LTBP1: variants seen among roughly 807,000 people sequenced by gnomAD.
LTBP1 encodes latent transforming growth factor beta binding protein 1.
LTBP1 carries 129 observed loss-of-function variants against 207.6 expected under a neutral mutation model. The ratio of observed to expected loss-of-function variants is 0.62; its 90% CI spans 0.54 to 0.72. LTBP1 has a LOEUF of 0.72. Ranked by LOEUF, LTBP1 falls within the 30% of genes least tolerant of loss-of-function variation. The pLI, the probability that LTBP1 is intolerant of heterozygous loss-of-function variation, is 0.00. For missense variants in LTBP1, 2,281 were observed against 2,217.2 expected, an observed-to-expected ratio of 1.03 and a Z score of -0.58; for synonymous variants, 963 against 833.7, an observed-to-expected ratio of 1.16 and a Z score of -2.67.
chr2:33,393,180 T>A (rs1008197687), intron 32 of LTBP1, among the ~76,000 whole-genome samples: 1 of 151,228 alleles, frequency 6.6e-6, no homozygotes, highest in Non-Finnish European at 1.5e-5. Context: ...AGTTATTACC[T>A]TTTCTGCTTC....
At chr2:33,219,478 T>C (rs960298969) in intron 8 of LTBP1, among the ~76,000 whole-genome samples, 1 of 152,256 alleles carries the variant, frequency 6.6e-6, no homozygotes, top group African/African-American at 2.4e-5. Flanking sequence ...TCATTTGCTA[T>C]TGAGTCTTAG....
intron 5 of LTBP1, among the ~76,000 whole-genome samples, chr2:33,137,155 A>G (rs144716163): frequency 2.4e-4 from 37 of 152,328 alleles, no homozygotes; most frequent in African/African-American, 7.9e-4. Context: ...GAAAAATTCA[A>G]AAACGTTTAT....
intron 26 of LTBP1, among the ~76,000 whole-genome samples, chr2:33,357,232 C>T (rs779865108): frequency 2.0e-5 from 3 of 152,140 alleles, no homozygotes; most frequent in Non-Finnish European, 4.4e-5. Context: ...GAAGGAGCTC[C>T]CAGACAGGGC....
intron 9 of LTBP1, among the ~76,000 whole-genome samples, chr2:33,242,069 G>T (rs2092345281): frequency 6.6e-6 from 1 of 152,146 alleles, no homozygotes. Flanking sequence ...GAATGTCACG[G>T]AAGGTATCAT....
At chr2:33,137,729 G>C (rs773477564) in intron 5 of LTBP1, among the ~76,000 whole-genome samples, 1 of 151,670 alleles carries the variant, frequency 6.6e-6, no homozygotes, top group African/African-American at 2.4e-5. Context: ...TTTGTTTGAG[G>C]ATGTGGAACA....
intron 5 of LTBP1, among the ~76,000 whole-genome samples, chr2:33,156,839 A>T (rs2084016696): frequency 6.6e-6 from 1 of 152,190 alleles, no homozygotes; most frequent in Non-Finnish European, 1.5e-5. Flanking sequence ...GTACTTCAAT[A>T]TTTTTATGTC....
chr2:33,159,099 G>A (rs2084244306), intron 5 of LTBP1, among the ~76,000 whole-genome samples: 1 of 152,226 alleles, frequency 6.6e-6, no homozygotes, highest in Admixed American at 6.5e-5. Context: ...AGCCCTGTAT[G>A]TGCTTCTGTG....
chr2:33,362,246 C>T (rs576088344), intron 28 of LTBP1, among the ~76,000 whole-genome samples: 1 of 152,194 alleles, frequency 6.6e-6, no homozygotes, highest in East Asian at 1.9e-4. Flanking sequence ...GGGAAACACA[C>T]TGTAAAATCA....
chr2:33,179,891 A>G (rs2086444739), intron 5 of LTBP1, among the ~76,000 whole-genome samples: 1 of 152,060 alleles, frequency 6.6e-6, no homozygotes, highest in Admixed American at 6.5e-5. Context: ...ACTGCCTTAT[A>G]TCCTTATGGA....
At chr2:33,388,800 C>G (rs1482600295) in intron 31 of LTBP1, among the ~76,000 whole-genome samples, 7 of 152,140 alleles carry the variant, frequency 4.6e-5, no homozygotes, top group Admixed American at 4.6e-4. Context: ...GTCAGAATGA[C>G]TACTTTCTAC....
At chr2:33,330,909 A>G (rs1415421485) in intron 24 of LTBP1, among the ~76,000 whole-genome samples, 6 of 151,394 alleles carry the variant, frequency 4.0e-5, no homozygotes, top group Non-Finnish European at 8.9e-5. Flanking sequence ...GTGCCTATGC[A>G]TTATAAACAT....
intron 2 of LTBP1, among the ~76,000 whole-genome samples, chr2:32,962,058 T>TG (rs1412040358): frequency 6.6e-6 from 1 of 152,110 alleles, no homozygotes; most frequent in African/African-American, 2.4e-5. Context: ...AATAATGTGT[T>TG]GGTGCATTTC....
Position 33,259,588 on chromosome 2 carries a change from T to G in LTBP1, c.2396T>G (p.Val799Gly), listed in dbSNP as rs150212582. The G allele has an allele frequency of 1.4e-5, 23 of 1,602,812 alleles. No homozygotes were observed. Among genetic ancestry groups the G allele is most frequent in the Non-Finnish European group, 6.8e-6 (8 of 1,175,156 alleles). Residue 799 changes from valine (V) to glycine (G), a missense_variant and splice_region_variant, in exon 13 of 34, where the codon GTG becomes GGG. Physicochemically the swap from Val to Gly is moderately radical, Grantham distance 109. Transcript: ENST00000404816. The part of the protein sequence containing the change: ...EHGPGVAEPE[V>G]ATAPPEKEIP... ...TACCCTTTTTCTTTTCTGGTTTTAG[T>G]GGCAACTGCACCCCCTGAAAAGGTA...
chr2:33,219,562 T>G (rs2090959171), intron 8 of LTBP1, among the ~76,000 whole-genome samples: 2 of 152,176 alleles, frequency 1.3e-5, no homozygotes, highest in Admixed American at 1.3e-4. Context: ...AACCTGCCTC[T>G]TTGTTTACCA....
intron 3 of LTBP1, among the ~76,000 whole-genome samples, chr2:33,106,683 ACGCATG>A (rs1165610764): frequency 6.6e-6 from 1 of 152,042 alleles, no homozygotes; most frequent in Non-Finnish European, 1.5e-5. Flanking sequence ...CATGCTGCAA[ACGCATG>A]TGCTGTCATC....
chr2:33,155,837 A>G (rs761776868), intron 5 of LTBP1, among the ~76,000 whole-genome samples: 11 of 152,204 alleles, frequency 7.2e-5, no homozygotes, highest in Non-Finnish European at 1.3e-4. Context: ...AGTTCATACA[A>G]TTGATAGAGA....
chr2:33,228,088 AGCCACCAC>A (rs1470381950), intron 9 of LTBP1, among the ~76,000 whole-genome samples: 1 of 152,050 alleles, frequency 6.6e-6, no homozygotes. Flanking sequence ...TACAGGCATG[AGCCACCAC>A]GCCCGGCCAA....
intron 7 of LTBP1, among the ~76,000 whole-genome samples, chr2:33,203,972 G>T (rs115414544): frequency 0.011 from 1,667 of 152,302 alleles, 12 homozygotes; most frequent in Middle Eastern, 0.058. Context: ...TTTATAGCTG[G>T]TATTTCTGGG....
At chr2:33,330,246 G>A (rs1034281310) in intron 24 of LTBP1, among the ~76,000 whole-genome samples, 4 of 151,950 alleles carry the variant, frequency 2.6e-5, no homozygotes, top group African/African-American at 9.7e-5. Flanking sequence ...AAATCTGCTT[G>A]TTAATTCTAG....
Sources: gnomAD v4.1 joint callset for allele counts (sites outside exome capture counted in the v4.1 genomes callset) on GRCh38, gnomAD v4.1.1 for gene constraint, MANE v1.5 for transcripts, NCBI Gene and HGNC (gene_info 2026-07-23, HGNC 2026-07-21) for gene names.